ANKRD24: variants seen among roughly 807,000 people sequenced by gnomAD.
ANKRD24 encodes the protein ankyrin repeat domain 24.
In ANKRD24, 109 loss-of-function variants were observed where a neutral mutation model predicts 127.8. The ratio of observed to expected loss-of-function variants is 0.85; its 90% CI spans 0.73 to 1.00. ANKRD24 has a LOEUF of 1.00. ANKRD24 is among the 50% of genes least tolerant of loss of function. ANKRD24 has a pLI of 0.00. For synonymous variants in ANKRD24, 743 were observed against 671.1 expected (o/e 1.11, Z -1.66); for missense variants, 1,648 against 1,570.2 (o/e 1.05, Z -0.84).
In ANKRD24 at chr19:4,195,783, A is replaced by G. The variant is rs1599408053; in HGVS notation, c.37-3900A>G. 2.0e-5 allele frequency among the ~76,000 whole-genome samples: 3 copies of G among 152,266 alleles called. No individual in the cohort carries two copies. Among genetic ancestry groups the G allele is most frequent in the East Asian group, 3.9e-4 (2 of 5,168 alleles). ...GTGGCGTGTGCCTGTAATCCCAGCT[A>G]CTCGGGAAGCTGAAGCAGGAGAATT... On this transcript the variant is annotated intron_variant, in intron 2 of 21. Coordinates refer to ENST00000318934, the MANE Select transcript of ANKRD24 (RefSeq NM_001393985.1). This position sits in a 1 kb window ranked among gnomAD's most constrained non-coding sequence, Gnocchi z 4.2.
At chr19:4,191,816 C>G (rs573550865) in intron 2 of ANKRD24, among the ~76,000 whole-genome samples, 2 of 136,528 alleles carry the variant, frequency 1.5e-5, no homozygotes, top group Admixed American at 7.5e-5. Flanking sequence ...GAGTCTTGCT[C>G]TGTTGCCCAG....
At chr19:4,187,362 G>A (rs1435410517) in intron 2 of ANKRD24, among the ~76,000 whole-genome samples, 1 of 151,880 alleles carries the variant, frequency 6.6e-6, no homozygotes, top group Non-Finnish European at 1.5e-5. Context: ...GCAGTGAGCT[G>A]AGATTGTGCC....
chr19:4,219,256 A>G (rs1277401292), intron 18 of ANKRD24, among the ~76,000 whole-genome samples: 1 of 151,870 alleles, frequency 6.6e-6, no homozygotes, highest in Non-Finnish European at 1.5e-5. Context: ...ACTGCACTCC[A>G]GCCTAGGCGA....
intron 19 of ANKRD24, among the ~76,000 whole-genome samples, chr19:4,221,085 TC>T (rs1970415945): frequency 6.6e-6 from 1 of 151,672 alleles, no homozygotes; most frequent in African/African-American, 2.4e-5. Context: ...TTTGTTTCTT[TC>T]TTTTTTTTTT....
chr19:4,213,471 T>C (rs2145367293), intron 15 of ANKRD24, among the ~76,000 whole-genome samples: 1 of 146,012 alleles, frequency 6.8e-6, no homozygotes, highest in African/African-American at 2.5e-5. Flanking sequence ...TTTTTTTTTT[T>C]TTTGGACAGA....
intron 10 of ANKRD24, 26 bp downstream of exon 10, chr19:4,207,994 C>T (rs1361069886): frequency 2.8e-6 from 4 of 1,449,470 alleles, no homozygotes; most frequent in Admixed American, 2.9e-5. Flanking sequence ...CTCCCCAATG[C>T]ATTTGCTTCT....
rs753156310 is a variant in ANKRD24 at position 4,207,295 on chromosome 19, C to T, written c.520C>T (p.Leu174=). The change falls in exon 8 of 22, where the codon CTA becomes TTA. Residue 174 remains leucine, a synonymous_variant. Transcript: ENST00000318934. The stretch of plus-strand genomic sequence containing the variant: ...GGTGCTCTGCTCCTTTAAGGCACAT[C>T]TAAACCCCCAAGATCGGGTAAGCTT... ...SEVLCSFKAH[L]NPQDRSGATP... 22 of 1,613,736 alleles carry T rather than the reference C, an allele frequency of 1.4e-5. No individual in the cohort carries two copies. The South Asian group carries it at 2.3e-4, about 17-fold the overall frequency.
chr19:4,188,347 G>T (rs149792335), intron 2 of ANKRD24, among the ~76,000 whole-genome samples: 1 of 148,446 alleles, frequency 6.7e-6, no homozygotes, highest in African/African-American at 2.5e-5. Context: ...AAAATGCTGG[G>T]ATTACAGGCA....
intron 9 of ANKRD24, 81 bp downstream of exon 9, chr19:4,207,688 C>T (rs921583892): frequency 9.4e-6 from 15 of 1,596,094 alleles, no homozygotes; most frequent in Non-Finnish European, 1.3e-5. Flanking sequence ...ACGATCTAGC[C>T]AGCCTCCTCT....
intron 7 of ANKRD24, among the ~76,000 whole-genome samples, chr19:4,206,787 T>G (rs993124704): frequency 8.5e-5 from 13 of 152,182 alleles, no homozygotes; most frequent in Non-Finnish European, 1.6e-4. Context: ...TACAAATTCC[T>G]CAGGGCACAT....
At chr19:4,189,654 C>G (rs1390634289) in intron 2 of ANKRD24, among the ~76,000 whole-genome samples, 4 of 152,020 alleles carry the variant, frequency 2.6e-5, no homozygotes, top group Non-Finnish European at 5.9e-5. Context: ...GTAGCTGGGA[C>G]TACAGATGTG....
rs1283073974 is a variant in ANKRD24, at chr19:4,218,138, A to G, written c.2978A>G (p.Glu993Gly). Residue 993 changes from glutamate to glycine, a missense_variant, in exon 18 of 22, where the codon GAG (glutamate) becomes GGG (glycine). Glu to Gly is a moderately conservative substitution (Grantham distance 98). Transcript: ENST00000318934. ...CTGGAGGAGCTGGGACGGCGGCATG[A>G]GAAGACCAGCGCAGAGGTCTTCCAG... The part of the protein sequence containing the change: ...GQLEELGRRH[E>G]KTSAEVFQVQ... 6.5e-7 allele frequency: 1 copy of G among 1,532,890 alleles called. No homozygotes were observed. The highest frequency in any genetic ancestry group is 1.2e-5 in the South Asian group (1 of 81,296). The allele number at this position is 1,532,890 out of a possible 1,614,324, so 95.0% of individuals were successfully genotyped here.
chr19:4,190,201 C>T (rs988807626), intron 2 of ANKRD24, among the ~76,000 whole-genome samples: 3 of 150,444 alleles, frequency 2.0e-5, no homozygotes, highest in South Asian at 2.1e-4. Flanking sequence ...TTTGGAAGGC[C>T]GAGGTGGGTG....
chr19:4,209,124 T>C (rs554442222), intron 11 of ANKRD24: 43 of 241,828 alleles, frequency 1.8e-4, no homozygotes, highest in Admixed American at 1.0e-3. Context: ...GTGTTTTTTT[T>C]CCCCGAGGTG....
intron 13 of ANKRD24, 70 bp from the exon 14 acceptor site, chr19:4,212,405 A>T: frequency 6.6e-7 from 1 of 1,514,174 alleles, no homozygotes. Context: ...AATGGAGGCT[A>T]TGAAGCAGGA....
At position 4,202,871 on chromosome 19, in the gene ANKRD24, T is replaced by G. The variant is rs747514631; in HGVS notation, c.411T>G (p.Ala137=). 1 of 1,589,768 alleles carries G rather than the reference T, an allele frequency of 6.3e-7. No homozygotes were observed. Among genetic ancestry groups the G allele is most frequent in the African/African-American group, 1.3e-5 (1 of 74,340 alleles). The part of the protein sequence containing the change: ...HPQCLKQLLQ[A]SCVVDVVDSS... ...CAAAGGACTCGCCCCATCCCCAGGCTTCCTGCGTGGTGGACGTCGTGGACA... is the reference window on the plus strand; with the variant it reads ...CAAAGGACTCGCCCCATCCCCAGGCGTCCTGCGTGGTGGACGTCGTGGACA... The change falls in exon 7 of 22, where the codon GCT becomes GCG. Residue 137 remains alanine, a splice_region_variant and synonymous_variant. Transcript: ENST00000318934.
intron 18 of ANKRD24, 115 bp from the exon 19 acceptor site, chr19:4,219,476 G>T: frequency 7.7e-7 from 1 of 1,293,736 alleles, no homozygotes; most frequent in Non-Finnish European, 1.1e-6. Context: ...GCAAGACCCT[G>T]TCTTAAAAAA....
intron 2 of ANKRD24, among the ~76,000 whole-genome samples, chr19:4,193,275 C>G (rs1422818832): frequency 2.6e-5 from 3 of 113,278 alleles, no homozygotes; most frequent in Non-Finnish European, 5.0e-5. Flanking sequence ...GCACTCCAGT[C>G]TGGGCAATAG....
Position 4,216,916 on chromosome 19 carries a change from G to GCCACGGGAGCCAAGT in ANKRD24, c.1766_1767insCAAGTCCACGGGAGC (p.Ala589_Glu590insLysSerThrGlyAla). On this transcript the variant is annotated inframe_insertion, in exon 18 of 22. Transcript: ENST00000318934. ...GGAAGCTGAGGCCACGGGAGCCGAG[G>GCCACGGGAGCCAAGT]CCACGGGAGCTGAGGCCACAGGAGC... is the stretch of plus-strand genomic sequence containing the variant. 1 of 1,610,092 alleles carries GCCACGGGAGCCAAGT rather than the reference G, an allele frequency of 6.2e-7. No individual in the cohort carries two copies. Among genetic ancestry groups the GCCACGGGAGCCAAGT allele is most frequent in the Non-Finnish European group, 8.5e-7 (1 of 1,178,104 alleles).
Sources: allele counts gnomAD v4.1 joint callset (sites outside exome capture counted in the v4.1 genomes callset), GRCh38; gene constraint gnomAD v4.1.1; non-coding constraint Gnocchi (gnomAD v3.1); transcripts MANE v1.5; gene names NCBI Gene and HGNC (gene_info 2026-07-23, HGNC 2026-07-21).